The following CACNA2D3 variants were observed in gnomAD, a reference collection of about 807,000 sequenced individuals.
The protein encoded by CACNA2D3 is voltage-dependent calcium channel subunit alpha-2/delta-3.
In CACNA2D3, 60 loss-of-function variants were observed where a neutral mutation model predicts 160.6. The ratio of observed to expected loss-of-function variants is 0.37; its 90% CI spans 0.30 to 0.46. CACNA2D3 has a LOEUF of 0.46. Among genes scored for constraint, CACNA2D3 ranks in the 20% least tolerant of loss-of-function variants. The pLI, the probability that CACNA2D3 is intolerant of heterozygous loss-of-function variation, is 1.00. For missense variants in CACNA2D3, 1,205 were observed against 1,365.0 expected (o/e 0.88, Z 1.85); for synonymous variants, 558 against 492.9 (o/e 1.13, Z -1.75).
intron 33 of CACNA2D3, among the ~76,000 whole-genome samples, chr3:55,008,310 T>C (rs1703139703): frequency 1.3e-5 from 2 of 152,334 alleles, no homozygotes; most frequent in Non-Finnish European, 1.5e-5. Context: ...ACTATGGTCT[T>C]GTTTGGAGGT....
intron 9 of CACNA2D3, among the ~76,000 whole-genome samples, chr3:54,606,898 T>A (rs1698639818): frequency 6.6e-6 from 1 of 152,154 alleles, no homozygotes; most frequent in Non-Finnish European, 1.5e-5. Flanking sequence ...TGCACCTATC[T>A]CCCAGTCCTG....
At chr3:54,192,129 T>C (rs1258669053) in intron 2 of CACNA2D3, among the ~76,000 whole-genome samples, 1 of 151,724 alleles carries the variant, frequency 6.6e-6, no homozygotes, top group Non-Finnish European at 1.5e-5. Flanking sequence ...TTCTTTTTAA[T>C]TCCCTGTCAG....
intron 2 of CACNA2D3, among the ~76,000 whole-genome samples, chr3:54,287,860 G>A (rs563651045): frequency 0.015 from 2,315 of 149,790 alleles, 32 homozygotes; most frequent in Middle Eastern, 0.072. Flanking sequence ...CAGAAATAAA[G>A]ATGTTCTTTG....
At chr3:54,314,833 G>A (rs1408117697) in intron 2 of CACNA2D3, among the ~76,000 whole-genome samples, 1 of 152,216 alleles carries the variant, frequency 6.6e-6, no homozygotes, top group Non-Finnish European at 1.5e-5. Flanking sequence ...CAAATGGAGT[G>A]CTGGAGACAG....
intron 10 of CACNA2D3, chr3:54,632,839 TG>T (rs1246599355): frequency 2.0e-5 from 3 of 152,230 alleles, no homozygotes; most frequent in African/African-American, 7.2e-5. Flanking sequence ...TTTCCGAGTT[TG>T]ACCTTCCTGG....
intron 11 of CACNA2D3, among the ~76,000 whole-genome samples, chr3:54,736,454 T>C (rs1384301992): frequency 3.3e-5 from 5 of 152,128 alleles, no homozygotes; most frequent in Non-Finnish European, 7.4e-5. Context: ...AGGATTGCTG[T>C]GTCAAAGGTT....
At chr3:54,744,825 G>A (rs1701722226) in intron 11 of CACNA2D3, among the ~76,000 whole-genome samples, 1 of 152,182 alleles carries the variant, frequency 6.6e-6, no homozygotes, top group South Asian at 2.1e-4. Context: ...GCCTGTCCTT[G>A]CATCCATTGT....
chr3:54,204,327 A>C (rs143715614), intron 2 of CACNA2D3, among the ~76,000 whole-genome samples: 1 of 152,008 alleles, frequency 6.6e-6, no homozygotes, highest in Non-Finnish European at 1.5e-5. Context: ...GTGTGTGTGT[A>C]TATACCATAT....
At chr3:54,331,852 AAGGTTTG>A (rs574337996) in intron 3 of CACNA2D3, among the ~76,000 whole-genome samples, 53 of 152,304 alleles carry the variant, frequency 3.5e-4, no homozygotes, top group African/African-American at 1.2e-3. Flanking sequence ...CAATCTCAAA[AAGGTTTG>A]ATTCATGTAA....
At chr3:54,212,778 G>T (rs1418560713) in intron 2 of CACNA2D3, among the ~76,000 whole-genome samples, 1 of 152,116 alleles carries the variant, frequency 6.6e-6, no homozygotes, top group Non-Finnish European at 1.5e-5. Flanking sequence ...ACAGAGTCAG[G>T]AATGTCTGTC....
At chr3:54,759,322 G>GA (rs1207540272) in intron 12 of CACNA2D3, among the ~76,000 whole-genome samples, 5 of 151,866 alleles carry the variant, frequency 3.3e-5, no homozygotes, top group Admixed American at 6.6e-5. Flanking sequence ...AATTTAACAG[G>GA]AAAAAAACAG....
intron 11 of CACNA2D3, among the ~76,000 whole-genome samples, chr3:54,698,244 TAGG>T (rs1191201624): frequency 6.6e-6 from 1 of 152,014 alleles, no homozygotes; most frequent in Non-Finnish European, 1.5e-5. Context: ...AATAGCAAAT[TAGG>T]GGGTGTAGGT....
At chr3:54,221,201 G>A (rs558813749) in intron 2 of CACNA2D3, among the ~76,000 whole-genome samples, 1 of 152,336 alleles carries the variant, frequency 6.6e-6, no homozygotes, top group African/African-American at 2.4e-5. Flanking sequence ...TGAAGATACA[G>A]TAATTAAAAT....
intron 3 of CACNA2D3, among the ~76,000 whole-genome samples, chr3:54,349,753 G>C (rs1484808502): frequency 1.3e-5 from 2 of 152,112 alleles, no homozygotes; most frequent in Non-Finnish European, 2.9e-5. Flanking sequence ...GCTTTCTCAG[G>C]GGATGTAGTG....
intron 3 of CACNA2D3, among the ~76,000 whole-genome samples, chr3:54,353,715 G>T (rs1301983834): frequency 1.3e-5 from 2 of 152,132 alleles, no homozygotes; most frequent in Non-Finnish European, 2.9e-5. Context: ...GGGCTTTAGG[G>T]AAGGCAGTAG....
intron 4 of CACNA2D3, among the ~76,000 whole-genome samples, chr3:54,466,597 T>C (rs1398682523): frequency 6.6e-6 from 1 of 152,132 alleles, no homozygotes; most frequent in African/African-American, 2.4e-5. Context: ...TTCAGGGGCC[T>C]GGGCAACAAA....
At chr3:54,424,100 G>T (rs567888966) in intron 4 of CACNA2D3, among the ~76,000 whole-genome samples, 1 of 152,072 alleles carries the variant, frequency 6.6e-6, no homozygotes, top group Non-Finnish European at 1.5e-5. Context: ...TAGTGTCTGT[G>T]TGTGTGTGTG....
At chr3:54,281,343 C>T (rs1702875173) in intron 2 of CACNA2D3, among the ~76,000 whole-genome samples, 1 of 152,138 alleles carries the variant, frequency 6.6e-6, no homozygotes, top group South Asian at 2.1e-4. Context: ...GTATCTTTTC[C>T]ACTGTGTATC....
intron 5 of CACNA2D3, among the ~76,000 whole-genome samples, chr3:54,511,385 A>G (rs2106962075): frequency 6.6e-6 from 1 of 151,664 alleles, no homozygotes; most frequent in Non-Finnish European, 1.5e-5. Context: ...ATAGCAGAGG[A>G]CCTGGAATAG....
Sources: allele counts gnomAD v4.1 joint callset (sites outside exome capture counted in the v4.1 genomes callset), GRCh38; gene constraint gnomAD v4.1.1; transcripts MANE v1.5; gene names NCBI Gene and HGNC (gene_info 2026-07-23, HGNC 2026-07-21).